Variants in DPRX observed in about 807,000 individuals in gnomAD.
DPRX encodes divergent paired-related homeobox.
A neutral mutation model predicts 8.4 loss-of-function variants in DPRX; 11 were observed. That is an observed-to-expected ratio of 1.31 (90% CI 0.82 to 2.17). The LOEUF (loss-of-function observed/expected upper bound fraction) is 2.17. Ranked by LOEUF, DPRX falls within the 30% of genes most tolerant of loss-of-function variation. DPRX has a pLI of 0.00. For synonymous variants in DPRX, 72 were observed against 87.0 expected (o/e 0.83, Z 0.96); for missense variants, 211 against 236.7 (o/e 0.89, Z 0.71).
the DPRX span, among the ~76,000 whole-genome samples, chr19:53,615,215 G>A: frequency 1.4e-4 from 21 of 151,826 alleles, no homozygotes; most frequent in East Asian, 3.5e-3. Flanking sequence ...TAGGTGACCC[G>A]CCCACCTCAG....
At chr19:53,627,564 G>T (rs1391757729), upstream of DPRX, among the ~76,000 whole-genome samples, 1 of 150,300 alleles carries the variant, frequency 6.7e-6, no homozygotes, top group Non-Finnish European at 1.5e-5. Flanking sequence ...AGCCTCCCCA[G>T]TAGCTGGGAT....
the DPRX span, among the ~76,000 whole-genome samples, chr19:53,614,437 G>A: frequency 4.6e-5 from 7 of 151,940 alleles, no homozygotes; most frequent in African/African-American, 1.7e-4. Flanking sequence ...GGTGGCTCAC[G>A]CCTGTAATCT....
the DPRX span, among the ~76,000 whole-genome samples, chr19:53,614,831 C>T: frequency 1.7e-4 from 26 of 151,976 alleles, no homozygotes; most frequent in African/African-American, 5.8e-4. Flanking sequence ...GGGTTAAGAT[C>T]ATTTGTGGCC....
At chr19:53,636,768 T>G (rs1426075125) in exon 3 of DPRX, 19 of 1,614,038 alleles carry the variant, frequency 1.2e-5, no homozygotes, top group Non-Finnish European at 1.5e-5. Context: ...CCGATCGGCC[T>G]GGTGTACACG....
the DPRX span, among the ~76,000 whole-genome samples, chr19:53,613,910 T>C: frequency 6.6e-6 from 1 of 151,996 alleles, no homozygotes; most frequent in Non-Finnish European, 1.5e-5. Flanking sequence ...TTGTAAAATA[T>C]GTGTCCAAGC....
the DPRX span, chr19:53,616,766 A>T: frequency 1.2e-5 from 18 of 1,511,858 alleles, no homozygotes; most frequent in Non-Finnish European, 1.6e-5. Flanking sequence ...AAAAATAAGA[A>T]AAAATAGAGG....
the DPRX span, chr19:53,601,193 A>G: frequency 4.0e-5 from 18 of 453,738 alleles, no homozygotes; most frequent in East Asian, 9.9e-4. Context: ...AGACAGCTAT[A>G]GGGAAAGGTC....
At chr19:53,610,654 A>G in the DPRX span, among the ~76,000 whole-genome samples, 1 of 152,186 alleles carries the variant, frequency 6.6e-6, no homozygotes, top group African/African-American at 2.4e-5. Context: ...CCAGCGGCCC[A>G]TAGGCTGCCT....
chr19:53,601,172 C>G, the DPRX span: 4 of 443,520 alleles, frequency 9.0e-6, no homozygotes, highest in Non-Finnish European at 1.8e-5. Context: ...ACACCCCACA[C>G]TGTTAGCCTG....
At chr19:53,625,300 G>A in the DPRX span, among the ~76,000 whole-genome samples, 13 of 152,020 alleles carry the variant, frequency 8.6e-5, no homozygotes, top group South Asian at 1.5e-3. Context: ...CGATCCTCCC[G>A]CCTCGGCCTC....
At chr19:53,629,977 CAGAT>C (rs879806702), upstream of DPRX, 80,395 of 151,040 alleles carry the variant, frequency 0.53, 23,754 homozygotes, top group African/African-American at 0.81. Context: ...GAGGCCAAGG[CAGAT>C]GGATCACCTG....
exon 2 of DPRX, chr19:53,634,545 C>G: frequency 6.2e-7 from 1 of 1,613,320 alleles, no homozygotes; most frequent in Non-Finnish European, 8.5e-7. Flanking sequence ...GGACCAGATG[C>G]ATTCACACAG....
At chr19:53,602,258 A>G in the DPRX span, 5 of 377,786 alleles carry the variant, frequency 1.3e-5, no homozygotes, top group African/African-American at 2.4e-5. Flanking sequence ...AACCATATAT[A>G]TGGGTATGGG....
At chr19:53,625,806 T>C in the DPRX span, among the ~76,000 whole-genome samples, 5,143 of 151,878 alleles carry the variant, frequency 0.034, 304 homozygotes, top group African/African-American at 0.12. Flanking sequence ...CCCGGCTAAT[T>C]TTTGTGTCTT....
the DPRX span, among the ~76,000 whole-genome samples, chr19:53,612,199 C>T: frequency 2.6e-5 from 4 of 151,472 alleles, no homozygotes; most frequent in Non-Finnish European, 4.4e-5. Context: ...GCCTGAGAAA[C>T]ATAGGAAGAC....
the DPRX span, among the ~76,000 whole-genome samples, chr19:53,613,617 C>T: frequency 6.6e-6 from 1 of 151,756 alleles, no homozygotes; most frequent in Admixed American, 6.6e-5. Context: ...ACCTCGGCCT[C>T]CCAAAGTGCT....
chr19:53,606,536 T>A, the DPRX span: 1 of 152,128 alleles, frequency 6.6e-6, no homozygotes, highest in Non-Finnish European at 1.5e-5. The surrounding 1 kb of genome is among the most constrained non-coding windows in gnomAD (Gnocchi z 4.8). Flanking sequence ...TCGGGACATA[T>A]CAGGTAGTAG....
At chr19:53,617,771 A>AT in the DPRX span, among the ~76,000 whole-genome samples, 2 of 151,982 alleles carry the variant, frequency 1.3e-5, no homozygotes, top group African/African-American at 4.8e-5. Context: ...TTATCACAGT[A>AT]TTTTCTTTTC....
chr19:53,629,315 CAAAAA>C (rs57730463), upstream of DPRX, among the ~76,000 whole-genome samples: 3 of 102,636 alleles, frequency 2.9e-5, no homozygotes, highest in Non-Finnish European at 4.0e-5. Flanking sequence ...GACTCTGTCT[CAAAAA>C]AAAAAAAAAA....
Sources: allele counts gnomAD v4.1 joint callset (sites outside exome capture counted in the v4.1 genomes callset), GRCh38; gene constraint gnomAD v4.1.1; non-coding constraint Gnocchi (gnomAD v3.1); transcripts MANE v1.5; gene names NCBI Gene and HGNC (gene_info 2026-07-23, HGNC 2026-07-21).